FKBP1B: variants seen among roughly 807,000 people sequenced by gnomAD.
FKBP1B encodes peptidyl-prolyl cis-trans isomerase FKBP1B.
In FKBP1B, 4 loss-of-function variants were observed where a neutral mutation model predicts 13.5. The ratio of observed to expected loss-of-function variants is 0.30; its 90% CI spans 0.15 to 0.68. The LOEUF (loss-of-function observed/expected upper bound fraction) is 0.68. FKBP1B is among the 30% of genes least tolerant of loss of function. FKBP1B has a pLI of 0.76. For synonymous variants in FKBP1B, 54 were observed against 53.6 expected, an observed-to-expected ratio of 1.01 and a Z score of -0.03; for missense variants, 93 against 136.2, an observed-to-expected ratio of 0.68 and a Z score of 1.58.
intron 3 of FKBP1B, among the ~76,000 whole-genome samples, chr2:24,062,031 G>A (rs929435756): frequency 2.4e-5 from 3 of 123,686 alleles, no homozygotes; most frequent in Admixed American, 7.4e-5. Context: ...CACCACGGCC[G>A]GCTAATTTTT....
At chr2:24,056,191 T>C (rs1452904503) in intron 2 of FKBP1B, among the ~76,000 whole-genome samples, 1 of 151,902 alleles carries the variant, frequency 6.6e-6, no homozygotes, top group Non-Finnish European at 1.5e-5. Flanking sequence ...TGTTTCACCA[T>C]ATTGGCCAGG....
At chr2:24,038,322 T>C in the FKBP1B span, 2 of 1,614,222 alleles carry the variant, frequency 1.2e-6, no homozygotes, top group African/African-American at 1.3e-5. Flanking sequence ...TCAAGAAACA[T>C]ATCCCTTTTG....
At chr2:24,037,075 T>C in the FKBP1B span, among the ~76,000 whole-genome samples, 3 of 152,374 alleles carry the variant, frequency 2.0e-5, no homozygotes, top group East Asian at 5.8e-4. Flanking sequence ...TTGCCCAGGC[T>C]GGAGTGCAGT....
chr2:24,052,065 T>C (rs1037225040), intron 1 of FKBP1B, among the ~76,000 whole-genome samples: 1 of 152,240 alleles, frequency 6.6e-6, no homozygotes, highest in African/African-American at 2.4e-5. Context: ...TCGTTCTTGT[T>C]GTCTCCTTTG....
chr2:24,039,741 A>C, the FKBP1B span, among the ~76,000 whole-genome samples: 1 of 152,222 alleles, frequency 6.6e-6, no homozygotes, highest in Admixed American at 6.5e-5. Context: ...AGATTTTTAG[A>C]ACTGGGGAAA....
At chr2:24,038,348 C>T in the FKBP1B span, 1 of 1,614,170 alleles carries the variant, frequency 6.2e-7, no homozygotes, top group Non-Finnish European at 8.5e-7. Context: ...TCAGTGTTCT[C>T]TAATCGAATT....
chr2:24,040,781 C>T, the FKBP1B span, among the ~76,000 whole-genome samples: 1 of 152,228 alleles, frequency 6.6e-6, no homozygotes, highest in African/African-American at 2.4e-5. Context: ...CTTTGGGAGG[C>T]TGAGACGGGA....
intron 3 of FKBP1B, among the ~76,000 whole-genome samples, chr2:24,062,141 G>A (rs1447361095): frequency 3.3e-5 from 5 of 151,888 alleles, no homozygotes; most frequent in African/African-American, 4.8e-5. Flanking sequence ...AAAGTGGTGC[G>A]AGCCACCGTG....
chr2:24,048,112 T>C (rs1663690499), upstream of FKBP1B, among the ~76,000 whole-genome samples: 1 of 152,194 alleles, frequency 6.6e-6, no homozygotes, highest in South Asian at 2.1e-4. Flanking sequence ...TCCCCATGCC[T>C]ATCTTCCAGT....
rs945737875 is a variant in FKBP1B, at chr2:24,049,975, G to A, written c.37+89G>A. Reference sequence around the variant, plus strand: ...GGTCTGATTCGGAGGTGGCGTGGAGGGTGCTGAAGGGTCGGGGGGCTGGAT... The same window carrying A: ...GGTCTGATTCGGAGGTGGCGTGGAGAGTGCTGAAGGGTCGGGGGGCTGGAT... On this transcript the variant is annotated intron_variant, in intron 1 of 3. Transcript: ENST00000380986. 3.7e-6 allele frequency: 4 copies of A among 1,089,628 alleles called. No homozygotes were observed. In the Admixed American group the frequency reaches 1.6e-4, roughly 43 times the overall value. 67.5% of individuals were successfully genotyped at this position (1,089,628 alleles called of 1,614,324 possible).
At chr2:24,059,130 CTGGA>C (rs1664264608) in intron 2 of FKBP1B, among the ~76,000 whole-genome samples, 1 of 152,214 alleles carries the variant, frequency 6.6e-6, no homozygotes, top group Admixed American at 6.5e-5. Context: ...AACCCAGTCT[CTGGA>C]TGTACAAGCA....
chr2:24,056,324 A>G (rs1253630736), intron 2 of FKBP1B, among the ~76,000 whole-genome samples: 1 of 150,732 alleles, frequency 6.6e-6, no homozygotes, highest in African/African-American at 2.4e-5. Context: ...GTGAGCGTTC[A>G]GTACCATTTC....
At chr2:24,046,607 T>C (rs574900484), upstream of FKBP1B, among the ~76,000 whole-genome samples, 4 of 152,320 alleles carry the variant, frequency 2.6e-5, no homozygotes, top group Admixed American at 2.0e-4. Context: ...GAACTGGCAT[T>C]TCCAGCAGGT....
intron 2 of FKBP1B, among the ~76,000 whole-genome samples, chr2:24,060,379 C>T (rs559447584): frequency 1.6e-4 from 24 of 152,226 alleles, no homozygotes; most frequent in African/African-American, 5.3e-4. Context: ...TGGCAAAACC[C>T]TGTTTCTACT....
intron 1 of FKBP1B, among the ~76,000 whole-genome samples, chr2:24,052,215 G>A (rs1002793871): frequency 6.6e-6 from 1 of 152,128 alleles, no homozygotes; most frequent in Non-Finnish European, 1.5e-5. Flanking sequence ...CTGGATTATT[G>A]CAACAGACGC....
upstream of FKBP1B, among the ~76,000 whole-genome samples, chr2:24,045,600 C>CAA (rs869243363): frequency 1.4e-3 from 91 of 64,238 alleles, no homozygotes; most frequent in African/African-American, 4.9e-3. Flanking sequence ...GACTCCATCT[C>CAA]AAAAAAAAAA....
Position 24,049,781 on chromosome 2 carries a change from T to C in FKBP1B, c.-69T>C. Reference sequence around the variant, plus strand: ...AGGCGAGCCGGAGCGACGGCGGGGCTGGGGCCGGAGCCGAGCCGGGGTCGG... The same window carrying C: ...AGGCGAGCCGGAGCGACGGCGGGGCCGGGGCCGGAGCCGAGCCGGGGTCGG... On this transcript the variant is annotated 5_prime_UTR_variant, in exon 1 of 4. Coordinates refer to ENST00000380986, the MANE Select transcript of FKBP1B (RefSeq NM_004116.5). The C allele has an allele frequency of 3.2e-6, 4 of 1,247,236 alleles. No individual in the cohort carries two copies. The highest frequency in any genetic ancestry group is 4.8e-5 in the South Asian group (2 of 41,596). The allele number at this position is 1,247,236 out of a possible 1,614,324, so 77.3% of individuals were successfully genotyped here.
upstream of FKBP1B, among the ~76,000 whole-genome samples, chr2:24,045,146 G>A (rs78460262): frequency 2.8e-3 from 419 of 152,286 alleles, 2 homozygotes; most frequent in African/African-American, 9.7e-3. Flanking sequence ...TTTCAGTAGA[G>A]AAAGAAGGCC....
upstream of FKBP1B, chr2:24,049,646 G>A (rs1663749965): frequency 1.8e-5 from 7 of 380,894 alleles, no homozygotes; most frequent in East Asian, 1.1e-4. Flanking sequence ...CGCCCCGGCC[G>A]ACCCCACCTT....
Sources: gnomAD v4.1 joint callset for allele counts (sites outside exome capture counted in the v4.1 genomes callset) on GRCh38, gnomAD v4.1.1 for gene constraint, MANE v1.5 for transcripts, NCBI Gene and HGNC (gene_info 2026-07-23, HGNC 2026-07-21) for gene names.